The following RUNX1T1 variants were observed in gnomAD, a reference collection of about 807,000 sequenced individuals.
The protein encoded by RUNX1T1 is protein CBFA2T1.
In RUNX1T1, 4 loss-of-function variants were observed where a neutral mutation model predicts 62.8. The ratio of observed to expected loss-of-function variants is 0.06; its 90% CI spans 0.03 to 0.15. The LOEUF (loss-of-function observed/expected upper bound fraction) is 0.15, where lower values mean the gene tolerates loss of function less well. RUNX1T1 is among the 10% of genes least tolerant of loss of function. The probability of loss-of-function intolerance (pLI) is 1.00; values close to 1 mark genes in which losing one functional copy is unlikely to be tolerated. For missense variants in RUNX1T1, 508 were observed against 754.3 expected (o/e 0.67, Z 3.82); for synonymous variants, 291 against 286.0 (o/e 1.02, Z -0.18).
In RUNX1T1 at chr8:92,075,091, T is replaced by C. The variant is rs1403312689; in HGVS notation, c.88+874A>G. 2.0e-5 allele frequency among the ~76,000 whole-genome samples: 3 copies of C among 152,222 alleles called. No individual in the cohort carries two copies. In the East Asian group the frequency reaches 5.8e-4, roughly 29 times the overall value. ...GCTAGCAGTGATGTTTCCAGAACAG[T>C]GGTCACCAAGGGTGAGTATTTCGCT... On this transcript the variant is annotated intron_variant, in intron 2 of 11. Coordinates refer to the RUNX1T1 transcript ENST00000265814.
chr8:92,102,739 G>T, upstream of RUNX1T1: 1 of 1,078,900 alleles, frequency 9.3e-7, no homozygotes, highest in Non-Finnish European at 1.3e-6. This position sits in a 1 kb window ranked among gnomAD's most constrained non-coding sequence, Gnocchi z 4.5. Flanking sequence ...GTACAGCCTG[G>T]AGCCTCGCGG....
downstream of RUNX1T1, chr8:91,958,575 C>CT (rs981934818): frequency 3.5e-4 from 62 of 178,942 alleles, no homozygotes; most frequent in South Asian, 1.0e-3. Flanking sequence ...ATGCACTGTC[C>CT]TTTTTTTTTA....
chr8:92,060,553 A>ATATATGTGTGTGTG, intron 1 of RUNX1T1, among the ~76,000 whole-genome samples: 2 of 63,948 alleles, frequency 3.1e-5, no homozygotes, highest in African/African-American at 1.2e-4. Flanking sequence ...ATATATATAT[A>ATATATGTGTGTGTG]TGTGTGTGTG....
At chr8:92,056,595 T>C (rs1208635078) in intron 1 of RUNX1T1, among the ~76,000 whole-genome samples, 1 of 151,578 alleles carries the variant, frequency 6.6e-6, no homozygotes, top group African/African-American at 2.4e-5. Context: ...CCCACAATTT[T>C]AAAAATCAAC....
At chr8:91,967,773 A>C (rs1811948591) in intron 10 of RUNX1T1, among the ~76,000 whole-genome samples, 1 of 152,180 alleles carries the variant, frequency 6.6e-6, no homozygotes, top group African/African-American at 2.4e-5. Flanking sequence ...GTATCTTACC[A>C]CATATACGTT....
intron 1 of RUNX1T1, among the ~76,000 whole-genome samples, chr8:92,025,929 A>G (rs1825051664): frequency 6.6e-6 from 1 of 152,220 alleles, no homozygotes; most frequent in African/African-American, 2.4e-5. Context: ...ACTTTTTAGT[A>G]TATGATATTA....
chr8:92,100,409 T>A (rs759464602), upstream of RUNX1T1, among the ~76,000 whole-genome samples: 3 of 152,200 alleles, frequency 2.0e-5, no homozygotes, highest in African/African-American at 2.4e-5. Flanking sequence ...TAGTTTATAA[T>A]AAAATTATTA....
At chr8:92,028,038 T>C (rs111857494) in intron 1 of RUNX1T1, among the ~76,000 whole-genome samples, 68 of 126,730 alleles carry the variant, frequency 5.4e-4, no homozygotes, top group African/African-American at 1.2e-3. Flanking sequence ...ATAGTAGGCA[T>C]TGGATGGACG....
chr8:92,069,531 T>G (rs191744478), intron 2 of RUNX1T1, among the ~76,000 whole-genome samples: 10 of 152,310 alleles, frequency 6.6e-5, no homozygotes, highest in African/African-American at 2.4e-4. Context: ...CACATACTAA[T>G]CTGCCACGTT....
intron 3 of RUNX1T1, among the ~76,000 whole-genome samples, chr8:92,014,325 TGGC>T (rs1822579008): frequency 6.6e-6 from 1 of 152,064 alleles, no homozygotes; most frequent in Non-Finnish European, 1.5e-5. Context: ...AACATGTTTA[TGGC>T]CAATATAACA....
intron 1 of RUNX1T1, chr8:92,095,324 C>A: frequency 6.5e-7 from 1 of 1,531,688 alleles, no homozygotes; most frequent in Non-Finnish European, 8.7e-7. Flanking sequence ...TGCTCGCCTC[C>A]CTCCCCTGTT....
At chr8:92,019,580 T>G (rs991839147) in intron 1 of RUNX1T1, among the ~76,000 whole-genome samples, 13 of 152,174 alleles carry the variant, frequency 8.5e-5, no homozygotes, top group African/African-American at 3.1e-4. Flanking sequence ...GACCTTAATG[T>G]GCACAGCCCC....
intron 1 of RUNX1T1, among the ~76,000 whole-genome samples, chr8:92,040,294 A>C (rs570154715): frequency 3.7e-4 from 56 of 152,312 alleles, no homozygotes; most frequent in African/African-American, 1.3e-3. Flanking sequence ...TACATTTATT[A>C]GCAAACTTAG....
intron 5 of RUNX1T1, among the ~76,000 whole-genome samples, chr8:92,002,476 A>G (rs922105070): frequency 2.6e-5 from 4 of 152,112 alleles, no homozygotes; most frequent in Non-Finnish European, 4.4e-5. Context: ...ATTTGCCAAA[A>G]CCCATCCCTG....
At chr8:92,047,430 A>G (rs1829582917) in intron 1 of RUNX1T1, among the ~76,000 whole-genome samples, 1 of 152,026 alleles carries the variant, frequency 6.6e-6, no homozygotes, top group Non-Finnish European at 1.5e-5. Flanking sequence ...AATTATCACC[A>G]TCCAACAAAC....
At chr8:91,958,584 T>A (rs1014420512), downstream of RUNX1T1, 7 of 184,166 alleles carry the variant, frequency 3.8e-5, no homozygotes, top group South Asian at 2.0e-4. Context: ...CCTTTTTTTT[T>A]AAAGTAGGAT....
intron 1 of RUNX1T1, among the ~76,000 whole-genome samples, chr8:92,090,797 G>A (rs1164641111): frequency 2.0e-5 from 3 of 152,186 alleles, no homozygotes; most frequent in African/African-American, 7.2e-5. Flanking sequence ...TTTCTAAATT[G>A]GGGCAAAAGA....
chr8:92,033,815 C>T (rs1260119329), intron 1 of RUNX1T1, among the ~76,000 whole-genome samples: 1 of 151,872 alleles, frequency 6.6e-6, no homozygotes, highest in African/African-American at 2.4e-5. Context: ...ACTAAAAATA[C>T]AAAAATTAGC....
intron 1 of RUNX1T1, among the ~76,000 whole-genome samples, chr8:92,039,831 T>C (rs1828111903): frequency 6.6e-6 from 1 of 152,196 alleles, no homozygotes; most frequent in Non-Finnish European, 1.5e-5. Context: ...GTTCTGTTTA[T>C]TTGGTACTTC....
Sources: gnomAD v4.1 joint callset for allele counts (sites outside exome capture counted in the v4.1 genomes callset) on GRCh38, gnomAD v4.1.1 for gene constraint, Gnocchi (gnomAD v3.1) non-coding constraint, MANE v1.5 for transcripts, NCBI Gene and HGNC (gene_info 2026-07-23, HGNC 2026-07-21) for gene names.